Variants in PDE4D observed in about 807,000 individuals in gnomAD.
PDE4D encodes the protein phosphodiesterase 4D.
Under a neutral mutation model 87.4 loss-of-function variants are expected in PDE4D, and 24 were observed. That is an observed-to-expected ratio of 0.27 (90% CI 0.20 to 0.39). The LOEUF (loss-of-function observed/expected upper bound fraction) is 0.39. Ranked by LOEUF, PDE4D falls within the 10% of genes least tolerant of loss-of-function variation. The pLI, the probability that PDE4D is intolerant of heterozygous loss-of-function variation, is 1.00. For synonymous variants in PDE4D, 384 were observed against 383.2 expected (o/e 1.00, Z -0.02); for missense variants, 714 against 1,041.0 (o/e 0.69, Z 4.32).
chr5:60,476,517 T>A (rs1333228845), intron 1 of PDE4D, among the ~76,000 whole-genome samples: 1 of 152,298 alleles, frequency 6.6e-6, no homozygotes, highest in East Asian at 1.9e-4. Flanking sequence ...GTCTCTCCCC[T>A]GCCCCAAATC....
At chr5:59,753,104 C>A (rs954684235) in intron 1 of PDE4D, among the ~76,000 whole-genome samples, 14 of 152,052 alleles carry the variant, frequency 9.2e-5, no homozygotes, top group African/African-American at 3.4e-4. Flanking sequence ...ATTTTCTGGT[C>A]CTTTTGTTCA....
rs994094299 is a variant in PDE4D, at chr5:60,308,461, G to A, written c.-89-122774C>T. Reference sequence around the variant, plus strand: ...TGGGTCTGTTTCTAACGTTGCTGTAGACATTTAAGGATTGTCCAATTTTAA... The same window carrying A: ...TGGGTCTGTTTCTAACGTTGCTGTAAACATTTAAGGATTGTCCAATTTTAA... On this transcript the variant is annotated intron_variant, in intron 1 of 16. Transcript: ENST00000502484. Among the ~76,000 whole-genome samples, 9 of 152,242 alleles carry A rather than the reference G, an allele frequency of 5.9e-5. No homozygotes were observed. The South Asian group carries it at 1.2e-3, about 21-fold the overall frequency.
intron 5 of PDE4D, among the ~76,000 whole-genome samples, chr5:59,064,799 C>CT (rs1399950193): frequency 6.6e-6 from 1 of 151,992 alleles, no homozygotes; most frequent in Admixed American, 6.6e-5. Context: ...TAAGCTCTAG[C>CT]TTTTTTCCCC....
chr5:59,136,202 A>G (rs1409800108), intron 5 of PDE4D, among the ~76,000 whole-genome samples: 1 of 152,166 alleles, frequency 6.6e-6, no homozygotes, highest in African/African-American at 2.4e-5. Flanking sequence ...AAATGTATGA[A>G]AGGTGACTAA....
chr5:60,068,920 T>C (rs893709113), intron 2 of PDE4D, among the ~76,000 whole-genome samples: 18 of 152,204 alleles, frequency 1.2e-4, no homozygotes, highest in African/African-American at 4.3e-4. Context: ...TGATGTCATA[T>C]CCATGAAACC....
At chr5:59,449,488 A>T (rs755848397) in intron 1 of PDE4D, among the ~76,000 whole-genome samples, 20 of 152,182 alleles carry the variant, frequency 1.3e-4, no homozygotes, top group Non-Finnish European at 2.4e-4. Flanking sequence ...AGTATTCCTT[A>T]TTTAACCTTG....
intron 3 of PDE4D, among the ~76,000 whole-genome samples, chr5:59,900,749 A>T (rs1025383543): frequency 6.6e-6 from 1 of 152,188 alleles, no homozygotes; most frequent in Admixed American, 6.5e-5. Context: ...TATATTTTTT[A>T]TAAAAATGAA....
At chr5:59,076,232 G>GT (rs1454699868) in intron 5 of PDE4D, among the ~76,000 whole-genome samples, 3 of 152,194 alleles carry the variant, frequency 2.0e-5, no homozygotes, top group Admixed American at 6.5e-5. Flanking sequence ...AAAAACAACA[G>GT]TTTTTTACAT....
At chr5:60,173,541 A>G (rs1783661771) in intron 2 of PDE4D, among the ~76,000 whole-genome samples, 1 of 151,982 alleles carries the variant, frequency 6.6e-6, no homozygotes, top group African/African-American at 2.4e-5. Context: ...ATTATGAATG[A>G]TGGCTGTAAC....
intron 3 of PDE4D, among the ~76,000 whole-genome samples, chr5:59,953,695 A>C (rs1758536463): frequency 6.6e-6 from 1 of 152,232 alleles, no homozygotes; most frequent in Non-Finnish European, 1.5e-5. Flanking sequence ...ATAAATTACA[A>C]GGAATATTAT....
chr5:59,430,435 G>C (rs1795938968), intron 1 of PDE4D: 1 of 1,230,954 alleles, frequency 8.1e-7, no homozygotes. Flanking sequence ...CAAAAGGCAA[G>C]AAGTAAAAGC....
intron 6 of PDE4D, among the ~76,000 whole-genome samples, chr5:59,009,704 G>T (rs1752384755): frequency 6.6e-6 from 1 of 151,844 alleles, no homozygotes; most frequent in Admixed American, 6.6e-5. Context: ...TTATGGTGGT[G>T]GTTATCCAAT....
Position 59,319,160 on chromosome 5 carries a change from ATGTGTGTGTGTGTG to A in PDE4D, c.456-103206_456-103193del, listed in dbSNP as rs59099367. The stretch of plus-strand genomic sequence containing the variant: ...TTCAAATATGAGAGAGTACATATAT[ATGTGTGTGTGTGTG>A]TGTGTGTGTGTGTGTGTGTGTTTTC... On this transcript the variant is annotated intron_variant, in intron 1 of 14. Transcript: ENST00000340635. Among the ~76,000 whole-genome samples, 25 of 139,800 alleles carry A rather than the reference ATGTGTGTGTGTGTG, an allele frequency of 1.8e-4. No individual in the cohort carries two copies. In the South Asian group the frequency reaches 3.5e-3, roughly 20 times the overall value. The allele number at this position is 139,800 out of a possible 152,430, so 91.7% of individuals were successfully genotyped here. A position where few individuals can be genotyped will look rare whatever the true frequency, so the allele number is the denominator to read the frequency against.
intron 3 of PDE4D, among the ~76,000 whole-genome samples, chr5:59,947,295 G>A (rs1757823332): frequency 6.6e-6 from 1 of 152,140 alleles, no homozygotes; most frequent in African/African-American, 2.4e-5. Flanking sequence ...CCCTTGGAAG[G>A]CAAGGCTCAG....
At chr5:60,465,473 A>G (rs1406113724) in intron 1 of PDE4D, among the ~76,000 whole-genome samples, 1 of 152,116 alleles carries the variant, frequency 6.6e-6, no homozygotes, top group Non-Finnish European at 1.5e-5. Context: ...TGACATTCCC[A>G]TTGGTTCATT....
At chr5:59,944,310 G>A (rs777847584) in intron 3 of PDE4D, among the ~76,000 whole-genome samples, 6 of 151,378 alleles carry the variant, frequency 4.0e-5, no homozygotes, top group Non-Finnish European at 8.8e-5. Flanking sequence ...TTTTGCATTA[G>A]GATTGTATCT....
intron 6 of PDE4D, among the ~76,000 whole-genome samples, chr5:59,006,359 G>T (rs914334022): frequency 6.6e-6 from 1 of 152,172 alleles, no homozygotes; most frequent in Non-Finnish European, 1.5e-5. Flanking sequence ...GAGGCCAGGA[G>T]GTCGAGACCA....
intron 1 of PDE4D, among the ~76,000 whole-genome samples, chr5:59,625,200 A>G (rs1262001137): frequency 1.3e-5 from 2 of 152,186 alleles, no homozygotes; most frequent in East Asian, 3.9e-4. Context: ...AGAGAGATGA[A>G]GTGTGAGAGG....
At chr5:60,290,524 C>T (rs1025654556) in intron 1 of PDE4D, among the ~76,000 whole-genome samples, 1 of 152,056 alleles carries the variant, frequency 6.6e-6, no homozygotes, top group Non-Finnish European at 1.5e-5. Context: ...ACATAGGAGG[C>T]AGGGAGTGGT....
Sources: allele counts gnomAD v4.1 joint callset (sites outside exome capture counted in the v4.1 genomes callset), GRCh38; gene constraint gnomAD v4.1.1; transcripts MANE v1.5; gene names NCBI Gene and HGNC (gene_info 2026-07-23, HGNC 2026-07-21).